UROC1: variants seen among roughly 807,000 people sequenced by gnomAD.
UROC1 encodes the protein urocanate hydratase.
In UROC1, 79 loss-of-function variants were observed where a neutral mutation model predicts 89.5. The observed-to-expected ratio is 0.88, with a 90% CI of 0.74 to 1.06. The LOEUF (loss-of-function observed/expected upper bound fraction) is 1.06, where lower values mean the gene tolerates loss of function less well. Ranked by LOEUF, UROC1 falls within the 50% of genes least tolerant of loss-of-function variation. UROC1 has a pLI of 0.00. For missense variants in UROC1, 885 were observed against 907.8 expected (o/e 0.97, Z 0.32); for synonymous variants, 361 against 354.8 (o/e 1.02, Z -0.20).
chr3:126,506,610 G>A (rs1204538062), intron 6 of UROC1, among the ~76,000 whole-genome samples: 1 of 152,192 alleles, frequency 6.6e-6, no homozygotes, highest in Non-Finnish European at 1.5e-5. Context: ...GCTCTCTTGT[G>A]AAGGTGGGAA....
chr3:126,506,419 C>A (rs1191836303), intron 6 of UROC1, among the ~76,000 whole-genome samples: 1 of 152,164 alleles, frequency 6.6e-6, no homozygotes, highest in Non-Finnish European at 1.5e-5. Context: ...GCCCCTCCAC[C>A]GGAGACGAGA....
chr3:126,493,319 A>T (rs1448111971), intron 15 of UROC1, among the ~76,000 whole-genome samples: 1 of 152,210 alleles, frequency 6.6e-6, no homozygotes, highest in Admixed American at 6.5e-5. Context: ...ATATGTGCAC[A>T]CACACGTTCA....
chr3:126,483,437 C>CGAG lies in UROC1; in HGVS notation c.1819_1821dup (p.Leu607dup). On this transcript the variant is annotated inframe_insertion, in exon 19 of 20. Transcript: ENST00000290868. ...TCGGCCTCCGGGGTACCGTCCAGCACGAGGCCGAATCCCCCGTTGATCACC... is the reference window on the plus strand; with the variant it reads ...TCGGCCTCCGGGGTACCGTCCAGCACGAGGAGGCCGAATCCCCCGTTGATCACC... 1.9e-6 allele frequency: 3 copies of CGAG among 1,613,854 alleles called. No individual in the cohort carries two copies. Among genetic ancestry groups the CGAG allele is most frequent in the Non-Finnish European group, 2.5e-6 (3 of 1,180,048 alleles).
intron 9 of UROC1, among the ~76,000 whole-genome samples, chr3:126,502,576 TTG>T (rs1935957187): frequency 1.3e-5 from 2 of 151,784 alleles, no homozygotes; most frequent in Non-Finnish European, 2.9e-5. Flanking sequence ...ATGTTTGTGT[TTG>T]TGTGTGCATG....
At chr3:126,496,683 G>A (rs577410485) in intron 14 of UROC1, among the ~76,000 whole-genome samples, 14 of 152,322 alleles carry the variant, frequency 9.2e-5, no homozygotes, top group South Asian at 2.1e-4. Context: ...TGACCAGCTC[G>A]TGAAAGCAGA....
Position 126,507,734 on chromosome 3 carries a change from T to C in UROC1, c.602+8A>G. Reference sequence around the variant, plus strand: ...ACACGGTGTAAACAGACTGAAATAGTGACTTACATTGTAACCCCCAAGGCA... The same window carrying C: ...ACACGGTGTAAACAGACTGAAATAGCGACTTACATTGTAACCCCCAAGGCA... On this transcript the variant is annotated splice_region_variant and intron_variant, in intron 6 of 19. Transcript: ENST00000290868. 6.2e-7 allele frequency: 1 copy of C among 1,613,990 alleles called. No homozygotes were observed. The highest frequency in any genetic ancestry group is 8.5e-7 in the Non-Finnish European group (1 of 1,179,856).
chr3:126,501,594 C>T (rs140865675), intron 9 of UROC1, among the ~76,000 whole-genome samples: 13 of 152,372 alleles, frequency 8.5e-5, no homozygotes, highest in Non-Finnish European at 1.8e-4. Flanking sequence ...GGGATCTTTA[C>T]AGAACCCACC....
intron 9 of UROC1, 26 bp downstream of exon 9, chr3:126,503,969 G>A: frequency 6.2e-7 from 1 of 1,613,410 alleles, no homozygotes; most frequent in Non-Finnish European, 8.5e-7. Context: ...GGTGTCAGGT[G>A]TCCGGAGTTG....
intron 8 of UROC1, 107 bp downstream of exon 8, chr3:126,505,594 G>A (rs1025377971): frequency 1.1e-5 from 16 of 1,522,668 alleles, no homozygotes; most frequent in Non-Finnish European, 1.4e-5. Flanking sequence ...GGGCAAGGAA[G>A]GATGAGAAGG....
At chr3:126,485,081 C>T (rs1208788554) in intron 18 of UROC1, among the ~76,000 whole-genome samples, 9 of 152,158 alleles carry the variant, frequency 5.9e-5, no homozygotes, top group African/African-American at 2.2e-4. Context: ...TTTGAGGTAA[C>T]TCACAAATGG....
chr3:126,504,634 A>G (rs1936013117), intron 8 of UROC1, among the ~76,000 whole-genome samples: 1 of 152,118 alleles, frequency 6.6e-6, no homozygotes, highest in Non-Finnish European at 1.5e-5. Context: ...ATAAAACCCT[A>G]TTTACACAAG....
In UROC1 at chr3:126,489,575, A is replaced by G. The variant is rs184883982; in HGVS notation, c.1609-200T>C. 7.8e-3 allele frequency among the ~76,000 whole-genome samples: 1,181 copies of G among 152,322 alleles called. 38 individuals carry two copies. Among genetic ancestry groups the G allele is most frequent in the Admixed American group, 0.064 (985 of 15,292 alleles). ...GCCCGGCAGCACTCGTGTGTAATAC[A>G]TGTGTGAGCTCACCGAGCACTCACA... is the stretch of plus-strand genomic sequence containing the variant. On this transcript the variant is annotated intron_variant, in intron 16 of 19. Transcript: ENST00000290868.
intron 1 of UROC1, among the ~76,000 whole-genome samples, chr3:126,514,370 G>A (rs1341904208): frequency 1.3e-5 from 2 of 152,150 alleles, no homozygotes; most frequent in South Asian, 4.1e-4. Flanking sequence ...CTGCACCTGG[G>A]GGTAGGTACT....
chr3:126,489,478 C>T, intron 16 of UROC1, 103 bp from the exon 17 acceptor site: 1 of 902,166 alleles, frequency 1.1e-6, no homozygotes, highest in East Asian at 2.4e-5. Context: ...CGCTGGATTT[C>T]TCCTCCTGGA....
intron 13 of UROC1, among the ~76,000 whole-genome samples, chr3:126,498,597 C>G (rs1359229227): frequency 4.6e-5 from 7 of 151,996 alleles, no homozygotes; most frequent in African/African-American, 9.7e-5. Flanking sequence ...GGGAGGATGC[C>G]GTGGCCTGGG....
intron 14 of UROC1, among the ~76,000 whole-genome samples, chr3:126,496,642 G>A (rs1167906494): frequency 5.3e-5 from 8 of 152,264 alleles, no homozygotes; most frequent in Admixed American, 5.2e-4. Flanking sequence ...CACGGAGTAT[G>A]TGTGCATGTG....
chr3:126,510,800 G>A lies in UROC1; in HGVS notation c.127-6C>T, dbSNP rs544887624. 6.2e-7 allele frequency: 1 copy of A among 1,612,228 alleles called. No individual in the cohort carries two copies. The highest frequency in any genetic ancestry group is 8.5e-7 in the Non-Finnish European group (1 of 1,179,860). On this transcript the variant is annotated splice_polypyrimidine_tract_variant and splice_region_variant and intron_variant, in intron 1 of 19. Transcript: ENST00000290868. ...AGGGCGTTCCTCAGCGCCAGCTGGG[G>A]TAGGAGAGCGGAGAGGCAGTCGGGG...
chr3:126,498,272 T>G (rs926561774), intron 13 of UROC1, 100 bp from the exon 14 acceptor site: 3 of 1,599,046 alleles, frequency 1.9e-6, no homozygotes, highest in Non-Finnish European at 8.5e-7. Context: ...CATCCAGAAG[T>G]CAGGTGTGGA....
At chr3:126,489,578 T>G (rs1485409900) in intron 16 of UROC1, among the ~76,000 whole-genome samples, 3 of 152,172 alleles carry the variant, frequency 2.0e-5, no homozygotes, top group Non-Finnish European at 4.4e-5. Flanking sequence ...GTAATACATG[T>G]GTGAGCTCAC....
Sources: allele counts gnomAD v4.1 joint callset (sites outside exome capture counted in the v4.1 genomes callset), GRCh38; gene constraint gnomAD v4.1.1; transcripts MANE v1.5; gene names NCBI Gene and HGNC (gene_info 2026-07-23, HGNC 2026-07-21).